GRHL2: variants seen among roughly 807,000 people sequenced by gnomAD.
GRHL2 encodes grainyhead-like protein 2 homolog.
In GRHL2, 21 loss-of-function variants were observed where a neutral mutation model predicts 83.8. That is an observed-to-expected ratio of 0.25 (90% CI 0.18 to 0.36). The LOEUF (loss-of-function observed/expected upper bound fraction) is 0.36, where lower values mean the gene tolerates loss of function less well. Among genes scored for constraint, GRHL2 ranks in the 10% least tolerant of loss-of-function variants. The probability of loss-of-function intolerance (pLI) is 1.00; values close to 1 mark genes in which losing one functional copy is unlikely to be tolerated. For synonymous variants in GRHL2, 280 were observed against 278.9 expected, an observed-to-expected ratio of 1.00 and a Z score of -0.04; for missense variants, 623 against 781.8, an observed-to-expected ratio of 0.80 and a Z score of 2.42.
At chr8:101,657,439 A>G (rs2211914) in intron 14 of GRHL2, among the ~76,000 whole-genome samples, 68,870 of 152,074 alleles carry the variant, frequency 0.45, 16,284 homozygotes, top group African/African-American at 0.57. Flanking sequence ...ATCTAGAATC[A>G]TCCTGGGTGT....
At chr8:101,517,725 A>G (rs1810600216) in intron 1 of GRHL2, among the ~76,000 whole-genome samples, 1 of 130,436 alleles carries the variant, frequency 7.7e-6, no homozygotes, top group South Asian at 2.5e-4. Context: ...TCAGACTTTC[A>G]TGTCCGTTTG....
chr8:101,617,796 C>A (rs534396808), intron 8 of GRHL2, among the ~76,000 whole-genome samples: 2 of 152,130 alleles, frequency 1.3e-5, no homozygotes, highest in Admixed American at 1.3e-4. Context: ...TGAGCCACCA[C>A]GCCCGGCTGA....
chr8:101,647,849 C>T (rs1563624357), intron 13 of GRHL2, among the ~76,000 whole-genome samples: 1 of 151,302 alleles, frequency 6.6e-6, no homozygotes, highest in Admixed American at 6.6e-5. Flanking sequence ...TGTGAAGCAA[C>T]CAGCTTTAAT....
intron 7 of GRHL2, among the ~76,000 whole-genome samples, chr8:101,592,420 A>G (rs906916390): frequency 7.9e-5 from 12 of 152,002 alleles, no homozygotes; most frequent in African/African-American, 2.7e-4. Flanking sequence ...GCACTTTCTA[A>G]TACTGTGTGG....
downstream of GRHL2, among the ~76,000 whole-genome samples, chr8:101,671,315 T>A (rs1423314220): frequency 6.6e-6 from 1 of 152,186 alleles, no homozygotes. Flanking sequence ...CCCACCCTAA[T>A]ACTGTGCTTT....
At chr8:101,608,735 TCACACACACACA>T (rs72332231) in intron 8 of GRHL2, among the ~76,000 whole-genome samples, 2,734 of 144,722 alleles carry the variant, frequency 0.019, 224 homozygotes, top group East Asian at 0.058. Context: ...GCTCACTCTC[TCACACACACACA>T]CACACACACA....
intron 13 of GRHL2, among the ~76,000 whole-genome samples, chr8:101,646,483 C>A (rs16868114): frequency 7.2e-5 from 11 of 152,150 alleles, no homozygotes; most frequent in Admixed American, 2.6e-4. Flanking sequence ...CCAGCAATAA[C>A]GGGCACTTTC....
chr8:101,594,041 C>T (rs1812339341), intron 7 of GRHL2, among the ~76,000 whole-genome samples: 1 of 128,650 alleles, frequency 7.8e-6, no homozygotes. Context: ...CGCACTCCAG[C>T]CTGGACAATA....
chr8:101,601,839 C>T (rs1429788028), intron 8 of GRHL2, among the ~76,000 whole-genome samples: 4 of 152,138 alleles, frequency 2.6e-5, no homozygotes, highest in African/African-American at 4.8e-5. Context: ...AAGTGCAGAA[C>T]GTGTAGGTTT....
At chr8:101,623,828 G>GACAGTTT (rs1554593568) in intron 9 of GRHL2, among the ~76,000 whole-genome samples, 3 of 124,174 alleles carry the variant, frequency 2.4e-5, no homozygotes, top group East Asian at 2.3e-4. Flanking sequence ...TACACAGTAG[G>GACAGTTT]ACAGTACACA....
At chr8:101,636,491 AG>A (rs1813288411) in intron 11 of GRHL2, among the ~76,000 whole-genome samples, 1 of 152,148 alleles carries the variant, frequency 6.6e-6, no homozygotes, top group South Asian at 2.1e-4. Flanking sequence ...TGTGCTACAC[AG>A]GGGGCAGGAA....
chr8:101,540,263 G>A (rs572474450), intron 1 of GRHL2, among the ~76,000 whole-genome samples: 1 of 152,194 alleles, frequency 6.6e-6, no homozygotes, highest in South Asian at 2.1e-4. Flanking sequence ...AGGTAAGTAG[G>A]CACTGAATTA....
intron 8 of GRHL2, among the ~76,000 whole-genome samples, chr8:101,609,304 G>T (rs1812700680): frequency 6.7e-6 from 1 of 149,898 alleles, no homozygotes. Flanking sequence ...TCCTCAACAA[G>T]CAGCATCAGT....
intron 2 of GRHL2, among the ~76,000 whole-genome samples, chr8:101,552,210 T>C (rs1811395214): frequency 6.6e-6 from 1 of 152,196 alleles, no homozygotes; most frequent in African/African-American, 2.4e-5. Flanking sequence ...GTATACTGGA[T>C]GCTTCCCCCA....
the GRHL2 span, among the ~76,000 whole-genome samples, chr8:101,675,662 C>T: frequency 3.8e-3 from 580 of 152,224 alleles, 9 homozygotes; most frequent in East Asian, 0.057. Flanking sequence ...TCAACGCCAT[C>T]CCCAACAAGC....
chr8:101,627,284 TC>T (rs1278266992), intron 9 of GRHL2, among the ~76,000 whole-genome samples: 2 of 152,134 alleles, frequency 1.3e-5, no homozygotes, highest in African/African-American at 4.8e-5. Flanking sequence ...TGTTCTTGTC[TC>T]CGTGTCACAT....
intron 4 of GRHL2, among the ~76,000 whole-genome samples, chr8:101,560,206 T>TG (rs1811580429): frequency 1.3e-5 from 2 of 149,518 alleles, no homozygotes; most frequent in East Asian, 2.0e-4. Flanking sequence ...GTGTGTGTGT[T>TG]TTTAGTAGAG....
intron 1 of GRHL2, chr8:101,529,331 A>G (rs1810872112): frequency 5.4e-6 from 1 of 184,532 alleles, no homozygotes; most frequent in South Asian, 1.1e-4. Flanking sequence ...TACTCGGGAG[A>G]CTGAGGCAGG....
chr8:101,668,667 T>G lies in GRHL2; in HGVS notation c.*1964T>G, dbSNP rs1814134224. On this transcript the variant is annotated 3_prime_UTR_variant, in exon 16 of 16. Transcript: ENST00000646743. ...GGACCCTCCAGGGTACTAATGGGGCTCTGTTCTGAGATGGACAAATTCAGT... is the reference window on the plus strand; with the variant it reads ...GGACCCTCCAGGGTACTAATGGGGCGCTGTTCTGAGATGGACAAATTCAGT... The G allele has an allele frequency of 1.3e-5, 2 of 152,626 alleles. No homozygotes were observed. Among genetic ancestry groups the G allele is most frequent in the South Asian group, 4.1e-4 (2 of 4,844 alleles). 9.5% of individuals were successfully genotyped at this position (152,626 alleles called of 1,614,324 possible). A position where few individuals can be genotyped will look rare whatever the true frequency, so the allele number is the denominator to read the frequency against.
Sources: gnomAD v4.1 joint callset for allele counts (sites outside exome capture counted in the v4.1 genomes callset) on GRCh38, gnomAD v4.1.1 for gene constraint, MANE v1.5 for transcripts, NCBI Gene and HGNC (gene_info 2026-07-23, HGNC 2026-07-21) for gene names.